The following OR1B1 variants were observed in gnomAD, a reference collection of about 807,000 sequenced individuals.
The protein encoded by OR1B1 is olfactory receptor family 1 subfamily B member 1, also known as olfactory receptor 1B1.
For synonymous variants in OR1B1, 168 were observed against 156.2 expected (o/e 1.08, Z -0.57); for missense variants, 414 against 402.1 (o/e 1.03, Z -0.25).
At chr9:122,636,721 A>G in the OR1B1 span, among the ~76,000 whole-genome samples, 1 of 152,236 alleles carries the variant, frequency 6.6e-6, no homozygotes, top group Non-Finnish European at 1.5e-5. Context: ...GGTGCTCGTT[A>G]AACATTTGTT....
Position 122,629,491 on chromosome 9 carries a change from CA to C in OR1B1, c.44del (p.Leu15CysfsTer24), listed in dbSNP as rs11421222. 6.2e-7 allele frequency: 1 copy of C among 1,609,034 alleles called. No homozygotes were observed. Among genetic ancestry groups the C allele is most frequent in the South Asian group, 1.1e-5 (1 of 90,276 alleles). On this transcript the variant is annotated frameshift_variant, in exon 1 of 1. Coordinates refer to ENST00000623530, the Ensembl canonical transcript of OR1B1. LOFTEE classifies it low-confidence loss of function (END_TRUNC). ...TGTTAGCTCTCGAGAACCCAAGGAG[CA>C]AAAAAACCGGAGAGTGTGAAGCATT...
At chr9:122,630,224 A>AC (rs1830191280), upstream of OR1B1, among the ~76,000 whole-genome samples, 3 of 152,160 alleles carry the variant, frequency 2.0e-5, no homozygotes, top group Non-Finnish European at 4.4e-5. Flanking sequence ...ATTTAGAAAA[A>AC]CCTAAAGACC....
chr9:122,639,417 T>C, the OR1B1 span, among the ~76,000 whole-genome samples: 1 of 152,178 alleles, frequency 6.6e-6, no homozygotes, highest in Non-Finnish European at 1.5e-5. Context: ...TGCTATATAA[T>C]AGCCCTTTGC....
chr9:122,653,129 G>C, the OR1B1 span, among the ~76,000 whole-genome samples: 1 of 152,218 alleles, frequency 6.6e-6, no homozygotes, highest in Non-Finnish European at 1.5e-5. Context: ...TTTCCTTGGA[G>C]ATAGAAAAGG....
At chr9:122,651,088 T>C in the OR1B1 span, among the ~76,000 whole-genome samples, 4 of 152,314 alleles carry the variant, frequency 2.6e-5, no homozygotes, top group East Asian at 7.7e-4. Flanking sequence ...CTTCATAATA[T>C]ATCTGATGAA....
chr9:122,652,643 T>G, the OR1B1 span, among the ~76,000 whole-genome samples: 10 of 152,216 alleles, frequency 6.6e-5, no homozygotes, highest in Non-Finnish European at 1.3e-4. Context: ...TCTGTTCATA[T>G]ATATTCTACT....
At chr9:122,628,772 C>A in exon 1 of OR1B1, 1 of 1,614,068 alleles carries the variant, frequency 6.2e-7, no homozygotes, top group Non-Finnish European at 8.5e-7. Flanking sequence ...GTAGAGGAAA[C>A]CAACCATGGT....
chr9:122,650,627 T>C, the OR1B1 span, among the ~76,000 whole-genome samples: 1,972 of 152,138 alleles, frequency 0.013, 20 homozygotes, highest in Non-Finnish European at 0.02. Flanking sequence ...TTCCAGAGCC[T>C]GCATTTATAT....
the OR1B1 span, among the ~76,000 whole-genome samples, chr9:122,651,981 T>C: frequency 6.6e-6 from 1 of 152,098 alleles, no homozygotes; most frequent in African/African-American, 2.4e-5. Context: ...ATTTCTTTAT[T>C]GAAGAAAAAA....
chr9:122,647,900 G>A, the OR1B1 span, among the ~76,000 whole-genome samples: 1,612 of 152,238 alleles, frequency 0.011, 24 homozygotes, highest in African/African-American at 0.036. Flanking sequence ...TGAAATGCTC[G>A]ATTTTTCCTA....
the OR1B1 span, among the ~76,000 whole-genome samples, chr9:122,636,638 T>C: frequency 1.8e-4 from 27 of 152,096 alleles, no homozygotes; most frequent in African/African-American, 5.5e-4. Context: ...AATAAATAAA[T>C]AAACAAACAA....
exon 1 of OR1B1, chr9:122,629,335 G>A (rs1830179289): frequency 1.2e-6 from 2 of 1,614,106 alleles, no homozygotes; most frequent in African/African-American, 1.3e-5. Flanking sequence ...TCACAGAGAG[G>A]CCACGAAGCA....
upstream of OR1B1, among the ~76,000 whole-genome samples, chr9:122,631,960 T>G (rs1246324749): frequency 6.6e-6 from 1 of 152,004 alleles, no homozygotes; most frequent in Non-Finnish European, 1.5e-5. Context: ...ATACATACAA[T>G]TCTAGAACTC....
chr9:122,647,528 G>T, the OR1B1 span, among the ~76,000 whole-genome samples: 1 of 151,968 alleles, frequency 6.6e-6, no homozygotes, highest in South Asian at 2.1e-4. Context: ...CCCAAAATTA[G>T]TAGAGGAAAA....
the OR1B1 span, among the ~76,000 whole-genome samples, chr9:122,642,691 A>T: frequency 6.6e-6 from 1 of 152,154 alleles, no homozygotes; most frequent in Non-Finnish European, 1.5e-5. Flanking sequence ...GGTACCCCAG[A>T]CGACAAACAC....
the OR1B1 span, among the ~76,000 whole-genome samples, chr9:122,655,827 C>A: frequency 6.6e-6 from 1 of 151,608 alleles, no homozygotes; most frequent in Non-Finnish European, 1.5e-5. Context: ...CACATGTACC[C>A]CAGAGCTTAA....
the OR1B1 span, among the ~76,000 whole-genome samples, chr9:122,645,846 C>G: frequency 6.6e-6 from 1 of 152,216 alleles, no homozygotes; most frequent in South Asian, 2.1e-4. Flanking sequence ...AAGGAATCAT[C>G]TGAAGGTACA....
Position 122,629,304 on chromosome 9 carries a change from CTG to C in OR1B1, c.230_231del (p.Thr77SerfsTer53), listed in dbSNP as rs754681409. 1.1e-5 allele frequency: 17 copies of C among 1,613,972 alleles called. No individual in the cohort carries two copies. The Admixed American group carries it at 1.8e-4, about 17-fold the overall frequency. On this transcript the variant is annotated frameshift_variant, in exon 1 of 1. Coordinates refer to ENST00000623530, the Ensembl canonical transcript of OR1B1. LOFTEE classifies it low-confidence loss of function (END_TRUNC). ...TGGGCCAGCAACTGGGGCAGTGTAA[CTG>C]TGGATAGCCCCATGTCTATCACAGA...
rs754990888 is a variant in OR1B1 at position 122,629,243 on chromosome 9, C to T, written c.293G>A (p.Arg98His). The T allele has an allele frequency of 4.2e-5, 68 of 1,613,884 alleles. No homozygotes were observed. The South Asian group carries it at 4.6e-4, about 11-fold the overall frequency. ...GAAGAAAAAGAACTGAGCCAAGCAG[C>T]GGGCAGCAGGAATGGTTGGGTAATG... is the stretch of plus-strand genomic sequence containing the variant. Residue 98 changes from arginine (R) to histidine (H), a missense_variant, in exon 1 of 1, where the codon CGC becomes CAC. Arg to His is a conservative substitution (Grantham distance 29). Transcript: ENST00000623530.
Sources: allele counts gnomAD v4.1 joint callset (sites outside exome capture counted in the v4.1 genomes callset), GRCh38; gene constraint gnomAD v4.1.1; transcripts MANE v1.5; gene names NCBI Gene and HGNC (gene_info 2026-07-23, HGNC 2026-07-21).